RNF182: variants seen among roughly 807,000 people sequenced by gnomAD.
The protein encoded by RNF182 is ring finger protein 182.
RNF182 carries 15 observed loss-of-function variants against 14.4 expected under a neutral mutation model. The observed-to-expected ratio is 1.04, with a 90% CI of 0.70 to 1.60. The LOEUF (loss-of-function observed/expected upper bound fraction) is 1.60. RNF182 is among the 40% of genes most tolerant of loss of function. The pLI is 0.00. For synonymous variants in RNF182, 128 were observed against 122.9 expected (o/e 1.04, Z -0.27); for missense variants, 268 against 294.8 (o/e 0.91, Z 0.67).
intron 1 of RNF182, among the ~76,000 whole-genome samples, chr6:13,960,642 G>GAGAGAGA (rs1759846664): frequency 2.2e-5 from 3 of 135,362 alleles, no homozygotes; most frequent in African/African-American, 8.9e-5. Flanking sequence ...CTTTTTTGAT[G>GAGAGAGA]GAGGGAGAGA....
At chr6:13,974,117 A>G (rs1303245860) in intron 1 of RNF182, 93 bp from the exon 2 acceptor site, 1 of 152,204 alleles carries the variant, frequency 6.6e-6, no homozygotes, top group South Asian at 2.1e-4. Flanking sequence ...AAATCATAAT[A>G]AGATAGATGA....
Position 13,978,130 on chromosome 6 carries a change from C to G in RNF182, c.*267C>G, listed in dbSNP as rs1760390684. The G allele has an allele frequency of 2.5e-6, 1 of 398,156 alleles. No individual in the cohort carries two copies. The highest frequency in any genetic ancestry group is 4.0e-5 in the Admixed American group (1 of 24,756). 24.7% of individuals were successfully genotyped at this position (398,156 alleles called of 1,614,324 possible). ...TTCCCAGAGAAAGGACAGGGTTTCT[C>G]TCAGCACTGCCAGACAGACGGCAGG... is the stretch of plus-strand genomic sequence containing the variant. On this transcript the variant is annotated 3_prime_UTR_variant, in exon 3 of 3. Coordinates refer to ENST00000488300, the MANE Select transcript of RNF182 (RefSeq NM_152737.4).
chr6:13,977,895 T>C lies in RNF182; in HGVS notation c.*32T>C. 1 of 1,558,716 alleles carries C rather than the reference T, an allele frequency of 6.4e-7. No homozygotes were observed. The highest frequency in any genetic ancestry group is 8.7e-7 in the Non-Finnish European group (1 of 1,153,408). ...TGCAAAATAAGAAATTGGACACACA[T>C]TGCCCTGTTTGAGTGTGAAGTTAGA... On this transcript the variant is annotated 3_prime_UTR_variant, in exon 3 of 3. Coordinates refer to ENST00000488300, the MANE Select transcript of RNF182 (RefSeq NM_152737.4).
intron 1 of RNF182, among the ~76,000 whole-genome samples, chr6:13,940,641 G>T (rs1759270728): frequency 6.6e-6 from 1 of 151,376 alleles, no homozygotes; most frequent in Non-Finnish European, 1.5e-5. Flanking sequence ...TAATATTTTT[G>T]GCTTTAGGTT....
intron 1 of RNF182, among the ~76,000 whole-genome samples, chr6:13,952,905 G>C (rs896730004): frequency 1.3e-5 from 2 of 152,150 alleles, no homozygotes; most frequent in African/African-American, 4.8e-5. Flanking sequence ...AGGGAGATGT[G>C]CTCTACTACA....
intron 1 of RNF182, among the ~76,000 whole-genome samples, chr6:13,934,141 G>A (rs1759046125): frequency 6.6e-6 from 1 of 152,202 alleles, no homozygotes; most frequent in African/African-American, 2.4e-5. Flanking sequence ...AATTAAATAT[G>A]ATGTAGATTT....
At chr6:13,952,478 C>T (rs1236369983) in intron 1 of RNF182, among the ~76,000 whole-genome samples, 1 of 152,070 alleles carries the variant, frequency 6.6e-6, no homozygotes, top group Non-Finnish European at 1.5e-5. Flanking sequence ...CCTTACGTCT[C>T]GGGAGGGATG....
At chr6:13,972,558 G>A (rs1760217459) in intron 1 of RNF182, among the ~76,000 whole-genome samples, 1 of 152,144 alleles carries the variant, frequency 6.6e-6, no homozygotes, top group African/African-American at 2.4e-5. Context: ...GCCGGACCTA[G>A]GGCCTTGCTG....
chr6:13,929,712 A>C (rs905108939), intron 1 of RNF182, among the ~76,000 whole-genome samples: 1 of 152,214 alleles, frequency 6.6e-6, no homozygotes, highest in Non-Finnish European at 1.5e-5. Context: ...ACTTTCTGTT[A>C]CGTTAACCCA....
chr6:13,966,002 G>A (rs1760018500), intron 1 of RNF182, among the ~76,000 whole-genome samples: 1 of 152,168 alleles, frequency 6.6e-6, no homozygotes, highest in African/African-American at 2.4e-5. Flanking sequence ...GAGTGGACTG[G>A]AAGTACTCTC....
chr6:13,938,451 T>G (rs2113592446), intron 1 of RNF182, among the ~76,000 whole-genome samples: 1 of 152,296 alleles, frequency 6.6e-6, no homozygotes, highest in Middle Eastern at 3.4e-3. Flanking sequence ...AAGTGTTTAA[T>G]TTTAATGAAC....
At chr6:13,963,769 G>T (rs1377529755) in intron 1 of RNF182, among the ~76,000 whole-genome samples, 2 of 152,252 alleles carry the variant, frequency 1.3e-5, no homozygotes, top group Non-Finnish European at 2.9e-5. Flanking sequence ...CAAGTCACAA[G>T]GCCAAGATTT....
At position 13,977,564 on chromosome 6, in the gene RNF182, G is replaced by A. The variant is rs1304154421; in HGVS notation, c.445G>A (p.Val149Met). 1 of 1,614,196 alleles carries A rather than the reference G, an allele frequency of 6.2e-7. No homozygotes were observed. Among genetic ancestry groups the A allele is most frequent in the Non-Finnish European group, 8.5e-7 (1 of 1,180,036 alleles). ...ESSPSLSSTP[V>M]VEFYRPASFD... ...CTCCCCGTCCCTGAGCTCCACTCCT[G>A]TGGTAGAATTTTATAGGCCTGCGAG... The change falls in exon 3 of 3, where the codon GTG becomes ATG. Residue 149 changes from valine to methionine, a missense_variant. By Grantham distance (21) the Val-to-Met change is conservative. Coordinates refer to ENST00000488300, the MANE Select transcript of RNF182 (RefSeq NM_152737.4).
intron 1 of RNF182, among the ~76,000 whole-genome samples, chr6:13,929,679 TG>T (rs1014331516): frequency 7.2e-5 from 11 of 152,226 alleles, no homozygotes; most frequent in Non-Finnish European, 1.3e-4. Context: ...CCCTTTTTTA[TG>T]AGTGAGGAAA....
intron 1 of RNF182, among the ~76,000 whole-genome samples, chr6:13,962,910 TGGAGTAATACATAG>T (rs1759916961): frequency 6.6e-6 from 1 of 152,160 alleles, no homozygotes; most frequent in African/African-American, 2.4e-5. Flanking sequence ...ATATGGACAG[TGGAGTAATACATAG>T]CATAGAGCCC....
intron 1 of RNF182, among the ~76,000 whole-genome samples, chr6:13,934,497 A>AT (rs1392837601): frequency 1.3e-5 from 2 of 152,166 alleles, no homozygotes; most frequent in Non-Finnish European, 2.9e-5. Context: ...ACCTTCGCCT[A>AT]TTTTTCTGAG....
intron 1 of RNF182, among the ~76,000 whole-genome samples, chr6:13,929,111 G>A (rs1210685106): frequency 6.6e-6 from 1 of 152,034 alleles, no homozygotes; most frequent in Non-Finnish European, 1.5e-5. Context: ...CTTGAATTGT[G>A]GTTTAAGTGC....
chr6:13,944,659 G>A (rs576702124), intron 1 of RNF182, among the ~76,000 whole-genome samples: 49 of 152,304 alleles, frequency 3.2e-4, no homozygotes, highest in African/African-American at 1.0e-3. Flanking sequence ...GAGAAAGAAC[G>A]AATGTTTAGT....
chr6:13,960,692 T>TGTGC lies in RNF182; in HGVS notation c.-366-13517_-366-13516insTGCG, dbSNP rs367625022. The stretch of plus-strand genomic sequence containing the variant: ...GTGTGTGTGTGTGTGTGTGTGTGTG[T>TGTGC]GCGCGCGTGCACATGCATGTGATGT... On this transcript the variant is annotated intron_variant, in intron 1 of 2. Transcript: ENST00000488300. Among the ~76,000 whole-genome samples the TGTGC allele has an allele frequency of 1.4e-3, 194 of 137,788 alleles. 1 individual carries two copies. The highest frequency in any genetic ancestry group is 3.8e-3 in the African/African-American group (148 of 39,354). The allele number at this position is 137,788 out of a possible 152,430, so 90.4% of individuals were successfully genotyped here. A position where few individuals can be genotyped will look rare whatever the true frequency, so the allele number is the denominator to read the frequency against.
Sources: gnomAD v4.1 joint callset for allele counts (sites outside exome capture counted in the v4.1 genomes callset) on GRCh38, gnomAD v4.1.1 for gene constraint, MANE v1.5 for transcripts, NCBI Gene and HGNC (gene_info 2026-07-23, HGNC 2026-07-21) for gene names.